PIK3C2G: variants seen among roughly 807,000 people sequenced by gnomAD.
PIK3C2G encodes phosphatidylinositol 3-kinase C2 domain-containing subunit gamma.
A neutral mutation model predicts 181.1 loss-of-function variants in PIK3C2G; 168 were observed. The ratio of observed to expected loss-of-function variants is 0.93; its 90% CI spans 0.82 to 1.05. The LOEUF is 1.05. PIK3C2G is among the 50% of genes least tolerant of loss of function. The probability of loss-of-function intolerance (pLI) is 0.00; values close to 1 mark genes in which losing one functional copy is unlikely to be tolerated. For missense variants in PIK3C2G, 1,869 were observed against 1,732.8 expected (o/e 1.08, Z -1.40); for synonymous variants, 573 against 592.2 (o/e 0.97, Z 0.47).
chr12:18,491,105 T>C (rs1230564169), intron 19 of PIK3C2G, among the ~76,000 whole-genome samples: 1 of 152,210 alleles, frequency 6.6e-6, no homozygotes, highest in African/African-American at 2.4e-5. Flanking sequence ...TGTTAATAAT[T>C]ACATAAAGCA....
chr12:18,300,192 A>T (rs1950115946), intron 5 of PIK3C2G, among the ~76,000 whole-genome samples: 1 of 151,930 alleles, frequency 6.6e-6, no homozygotes, highest in Non-Finnish European at 1.5e-5. Flanking sequence ...ACTTTTTATT[A>T]CTGATTCAGT....
intron 8 of PIK3C2G, among the ~76,000 whole-genome samples, chr12:18,326,970 C>T (rs147444266): frequency 6.6e-6 from 1 of 152,132 alleles, no homozygotes; most frequent in African/African-American, 2.4e-5. Flanking sequence ...TTTCCAAATT[C>T]AGAAGTTTGA....
intron 24 of PIK3C2G, among the ~76,000 whole-genome samples, chr12:18,528,645 C>T (rs1181775319): frequency 1.3e-5 from 2 of 152,084 alleles, no homozygotes; most frequent in Admixed American, 6.6e-5. Context: ...TCACAGAGTC[C>T]AGCAGACTAA....
chr12:18,450,178 G>C (rs1173646924), intron 18 of PIK3C2G, among the ~76,000 whole-genome samples: 1 of 152,190 alleles, frequency 6.6e-6, no homozygotes, highest in East Asian at 1.9e-4. Flanking sequence ...CCGGACTGCA[G>C]TGCAATGGCA....
rs560352561 is a variant in PIK3C2G, at chr12:18,370,072, T to C, written c.1749-1108T>C. ...ATCGTATAATTGACATATGATCATATAATGATCATATATGAGAACCTGATC... is the reference window on the plus strand; with the variant it reads ...ATCGTATAATTGACATATGATCATACAATGATCATATATGAGAACCTGATC... On this transcript the variant is annotated intron_variant, in intron 12 of 32. Coordinates refer to ENST00000538779, the MANE Select transcript of PIK3C2G (RefSeq NM_001288772.2). Among the ~76,000 whole-genome samples the C allele has an allele frequency of 7.9e-4, 120 of 152,084 alleles. 1 individual carries two copies. In the South Asian group the frequency reaches 8.9e-3, roughly 11 times the overall value.
intron 5 of PIK3C2G, among the ~76,000 whole-genome samples, chr12:18,307,037 G>A (rs1274619562): frequency 6.7e-6 from 1 of 149,246 alleles, no homozygotes; most frequent in Non-Finnish European, 1.5e-5. Flanking sequence ...AGCGGCTAGG[G>A]CAATGAGAAT....
the PIK3C2G span, among the ~76,000 whole-genome samples, chr12:18,710,156 T>C: frequency 0.44 from 64,068 of 147,164 alleles, 16,575 homozygotes; most frequent in South Asian, 0.61. Flanking sequence ...AAGCATTGCA[T>C]TTTGTCTCTT....
chr12:18,563,695 C>A (rs1382958769), intron 28 of PIK3C2G, among the ~76,000 whole-genome samples, 197 bp downstream of exon 28: 1 of 152,144 alleles, frequency 6.6e-6, no homozygotes, highest in African/African-American at 2.4e-5. Flanking sequence ...ACAAGATTTG[C>A]AATTTTCTTT....
chr12:18,505,717 G>C (rs1019135730), intron 24 of PIK3C2G, among the ~76,000 whole-genome samples: 4 of 152,158 alleles, frequency 2.6e-5, no homozygotes, highest in African/African-American at 9.7e-5. Flanking sequence ...TCCTGTTTTA[G>C]TCTGTCATTT....
At chr12:18,616,163 A>C (rs1457430887) in intron 31 of PIK3C2G, among the ~76,000 whole-genome samples, 1 of 152,052 alleles carries the variant, frequency 6.6e-6, no homozygotes, top group Non-Finnish European at 1.5e-5. Context: ...TGGAAACTTT[A>C]CTATATACAC....
At chr12:18,421,651 TATAGA>T (rs1299180476) in intron 17 of PIK3C2G, among the ~76,000 whole-genome samples, 5 of 152,008 alleles carry the variant, frequency 3.3e-5, no homozygotes, top group African/African-American at 1.2e-4. Flanking sequence ...ATCTAATAGA[TATAGA>T]ATAGAAGGTA....
rs533984171 is a variant in PIK3C2G, at chr12:18,520,818, C to T, written c.3323+15357C>T. Among the ~76,000 whole-genome samples the T allele has an allele frequency of 7.0e-4, 106 of 152,052 alleles. 1 individual carries two copies. Among genetic ancestry groups the T allele is most frequent in the Admixed American group, 2.1e-3 (32 of 15,270 alleles). On this transcript the variant is annotated intron_variant, in intron 24 of 32. Coordinates refer to ENST00000538779, the MANE Select transcript of PIK3C2G (RefSeq NM_001288772.2). ...GCACTCTGGCCTTTTGGATTTTCAGCGTTTGTTTGCTGATTCTTTCTCATC... is the reference window on the plus strand; with the variant it reads ...GCACTCTGGCCTTTTGGATTTTCAGTGTTTGTTTGCTGATTCTTTCTCATC...
At chr12:18,503,074 G>T (rs925378847) in intron 22 of PIK3C2G, among the ~76,000 whole-genome samples, 1 of 152,076 alleles carries the variant, frequency 6.6e-6, no homozygotes, top group African/African-American at 2.4e-5. Flanking sequence ...TGATTAATCC[G>T]ATCCAAACAC....
chr12:18,389,626 G>T (rs1208653956), intron 14 of PIK3C2G, among the ~76,000 whole-genome samples: 1 of 152,102 alleles, frequency 6.6e-6, no homozygotes, highest in Non-Finnish European at 1.5e-5. Flanking sequence ...ATGCATTAAA[G>T]CATAGTTTTG....
intron 31 of PIK3C2G, 39 bp downstream of exon 31, chr12:18,609,668 C>T (rs1292802213): frequency 7.1e-6 from 9 of 1,269,998 alleles, no homozygotes; most frequent in South Asian, 1.3e-5. Flanking sequence ...TGTAAGCCTA[C>T]ATCCAGAAAT....
At chr12:18,338,650 T>A (rs1412683582) in intron 9 of PIK3C2G, 102 bp downstream of exon 9, 4 of 777,756 alleles carry the variant, frequency 5.1e-6, no homozygotes, top group Non-Finnish European at 8.7e-6. Flanking sequence ...TCCGTGTGTA[T>A]GTTTGTGTGT....
chr12:18,587,502 G>A (rs189416705), intron 29 of PIK3C2G, among the ~76,000 whole-genome samples: 1 of 152,024 alleles, frequency 6.6e-6, no homozygotes, highest in African/African-American at 2.4e-5. Flanking sequence ...TAACCAGAGA[G>A]GTGAATGATC....
chr12:18,546,565 T>A (rs188064895), intron 26 of PIK3C2G, 133 bp downstream of exon 26: 160 of 618,328 alleles, frequency 2.6e-4, no homozygotes, highest in Non-Finnish European at 4.2e-4. Context: ...TGTGTTCCCT[T>A]TCCCAAAGAG....
the PIK3C2G span, chr12:18,701,586 A>G: frequency 6.2e-7 from 1 of 1,611,824 alleles, no homozygotes; most frequent in Non-Finnish European, 8.5e-7. Context: ...AGATTCCAAT[A>G]CTTCTGATTC....
Sources: gnomAD v4.1 joint callset for allele counts (sites outside exome capture counted in the v4.1 genomes callset) on GRCh38, gnomAD v4.1.1 for gene constraint, MANE v1.5 for transcripts, NCBI Gene and HGNC (gene_info 2026-07-23, HGNC 2026-07-21) for gene names.